The following AAK1 variants were observed in gnomAD, a reference collection of about 807,000 sequenced individuals.
The protein encoded by AAK1 is AP2 associated kinase 1, also known as AP2-associated protein kinase 1.
In AAK1, 37 loss-of-function variants were observed where a neutral mutation model predicts 116.0. That is an observed-to-expected ratio of 0.32 (90% CI 0.25 to 0.42). The LOEUF is 0.42. Ranked by LOEUF, AAK1 falls within the 10% of genes least tolerant of loss-of-function variation. AAK1 has a pLI of 1.00. For synonymous variants in AAK1, 458 were observed against 439.9 expected (o/e 1.04, Z -0.51); for missense variants, 919 against 1,170.6 (o/e 0.79, Z 3.14).
chr2:69,497,828 A>AT (rs2104939287), intron 16 of AAK1, among the ~76,000 whole-genome samples: 1 of 152,308 alleles, frequency 6.6e-6, no homozygotes, highest in East Asian at 1.9e-4. Context: ...GATGTCTTAT[A>AT]TAAACTGTAG....
chr2:69,513,939 T>G (rs149982596), intron 13 of AAK1, among the ~76,000 whole-genome samples: 1 of 152,316 alleles, frequency 6.6e-6, no homozygotes, highest in Non-Finnish European at 1.5e-5. Flanking sequence ...AATGACTGGA[T>G]ACTCAGATGC....
chr2:69,617,940 A>C (rs577376033), intron 2 of AAK1, among the ~76,000 whole-genome samples: 19 of 152,326 alleles, frequency 1.2e-4, no homozygotes, highest in Middle Eastern at 3.4e-3. Flanking sequence ...GAGGCTGCTG[A>C]GCAAAGATTC....
Position 69,532,004 on chromosome 2 carries a change from T to C in AAK1, c.656+37A>G, listed in dbSNP as rs754066111. 7 of 1,609,634 alleles carry C rather than the reference T, an allele frequency of 4.3e-6. No homozygotes were observed. In the South Asian group the frequency reaches 7.7e-5, roughly 18 times the overall value. ...GCTGAAGGTAAAGTTGCTCATCTGA[T>C]TGTGGACAAAACTCCATGAAAGGAG... On this transcript the variant is annotated intron_variant, in intron 6 of 21. Transcript: ENST00000409085.
At chr2:69,533,212 A>C (rs929829053) in intron 5 of AAK1, among the ~76,000 whole-genome samples, 1 of 152,202 alleles carries the variant, frequency 6.6e-6, no homozygotes, top group Non-Finnish European at 1.5e-5. Context: ...AAAGATAAGC[A>C]TCTTCTTATA....
intron 2 of AAK1, among the ~76,000 whole-genome samples, chr2:69,626,860 C>G (rs1400553068): frequency 2.6e-5 from 4 of 152,082 alleles, no homozygotes; most frequent in Non-Finnish European, 4.4e-5. Flanking sequence ...CCTCCTGATT[C>G]TACCGTCAAT....
At chr2:69,593,426 C>A (rs1369521986) in intron 2 of AAK1, among the ~76,000 whole-genome samples, 1 of 151,296 alleles carries the variant, frequency 6.6e-6, no homozygotes, top group Non-Finnish European at 1.5e-5. Context: ...ATTTTTACCA[C>A]AAGTAAATTT....
At chr2:69,520,773 T>A in intron 11 of AAK1, 61 bp downstream of exon 11, 10 of 1,494,038 alleles carry the variant, frequency 6.7e-6, no homozygotes, top group Non-Finnish European at 8.9e-6. Flanking sequence ...TTTCCAAGAC[T>A]TCTCTGTTGT....
At chr2:69,541,449 C>T (rs940648066) in intron 5 of AAK1, among the ~76,000 whole-genome samples, 19 of 152,096 alleles carry the variant, frequency 1.2e-4, no homozygotes, top group African/African-American at 4.6e-4. Context: ...CCAGGCTGGT[C>T]TCATACTCCT....
At position 69,467,748 on chromosome 2, in the gene AAK1, A is replaced by C; in HGVS notation, c.*8121T>G. On this transcript the variant is annotated 3_prime_UTR_variant, in exon 22 of 22. Transcript: ENST00000409085. ...TCTGCCAAAAATTATCCCCTGCTAA[A>C]GTTTCTGCATGAATTAAGCACACAG... is the stretch of plus-strand genomic sequence containing the variant. 6 of 985,464 alleles carry C rather than the reference A, an allele frequency of 6.1e-6. No individual in the cohort carries two copies. The South Asian group carries it at 2.8e-4, about 46-fold the overall frequency. 61.0% of individuals were successfully genotyped at this position (985,464 alleles called of 1,614,324 possible). A position where few individuals can be genotyped will look rare whatever the true frequency, so the allele number is the denominator to read the frequency against.
rs1674358613 is a variant in AAK1 at position 69,462,240 on chromosome 2, G to GACTA, written c.*13628_*13629insTAGT. ...TTGTGGGGTGGGGGGAGGGGGGCGGGATAGCATTAGGAGATATACCTAATG... is the reference window on the plus strand; with the variant it reads ...TTGTGGGGTGGGGGGAGGGGGGCGGGACTAATAGCATTAGGAGATATACCTAATG... On this transcript the variant is annotated 3_prime_UTR_variant, in exon 22 of 22. Coordinates refer to ENST00000409085, the MANE Select transcript of AAK1 (RefSeq NM_014911.5). 4 of 92,568 alleles carry GACTA rather than the reference G, an allele frequency of 4.3e-5. No individual in the cohort carries two copies. The Admixed American group carries it at 5.5e-4, about 13-fold the overall frequency. 5.7% of individuals were successfully genotyped at this position (92,568 alleles called of 1,614,324 possible). A position where few individuals can be genotyped will look rare whatever the true frequency, so the allele number is the denominator to read the frequency against.
chr2:69,466,219 C>T lies in AAK1; in HGVS notation c.*9650G>A. 7.8e-7 allele frequency: 1 copy of T among 1,289,810 alleles called. No homozygotes were observed. The highest frequency in any genetic ancestry group is 1.0e-6 in the Non-Finnish European group (1 of 988,874). 79.9% of individuals were successfully genotyped at this position (1,289,810 alleles called of 1,614,324 possible). ...ACTGTCTTTGCTTGCTCAGGAGAGA[C>T]TTCTGGTGGAGCGAATGGAACGGCT... On this transcript the variant is annotated 3_prime_UTR_variant, in exon 22 of 22. Coordinates refer to ENST00000409085, the MANE Select transcript of AAK1 (RefSeq NM_014911.5).
Position 69,465,668 on chromosome 2 carries a change from G to A in AAK1, c.*10201C>T. The A allele has an allele frequency of 7.7e-7, 1 of 1,290,946 alleles. No individual in the cohort carries two copies. Among genetic ancestry groups the A allele is most frequent in the Non-Finnish European group, 1.0e-6 (1 of 988,872 alleles). 80.0% of individuals were successfully genotyped at this position (1,290,946 alleles called of 1,614,324 possible). A position where few individuals can be genotyped will look rare whatever the true frequency, so the allele number is the denominator to read the frequency against. On this transcript the variant is annotated 3_prime_UTR_variant, in exon 22 of 22. Coordinates refer to ENST00000409085, the MANE Select transcript of AAK1 (RefSeq NM_014911.5). The stretch of plus-strand genomic sequence containing the variant: ...GGGGGCGGAATGGTTTGCCAGCCAT[G>A]GGGCCTGAGACAGCTTCTTTCTGGA...
chr2:69,520,946 G>C lies in AAK1; in HGVS notation c.1098C>G (p.Pro366=), dbSNP rs770636098. ...TCTGCCCAGCTTTAGGCCTCTGGCG[G>C]GGTGCAATTGAAGTCTCTGTGGTGG... is the stretch of plus-strand genomic sequence containing the variant. ...PIPTTETSIA[P]RQRPKAGQTQ... Residue 366 remains proline (P), a synonymous_variant, in exon 11 of 22, where the codon CCC becomes CCG. Coordinates refer to ENST00000409085, the MANE Select transcript of AAK1 (RefSeq NM_014911.5). 6.8e-6 allele frequency: 11 copies of C among 1,613,766 alleles called. No individual in the cohort carries two copies. Among genetic ancestry groups the C allele is most frequent in the Middle Eastern group, 1.6e-4 (1 of 6,062 alleles).
rs1674357041 is a variant in AAK1, at chr2:69,462,216, T to G, written c.*13653A>C. On this transcript the variant is annotated 3_prime_UTR_variant, in exon 22 of 22. Coordinates refer to ENST00000409085, the MANE Select transcript of AAK1 (RefSeq NM_014911.5). The stretch of plus-strand genomic sequence containing the variant: ...GGGAACATCACACTCTGGGGACTGT[T>G]GTGGGGTGGGGGGAGGGGGGCGGGA... 1.6e-5 allele frequency: 1 copy of G among 64,138 alleles called. No individual in the cohort carries two copies. Among genetic ancestry groups the G allele is most frequent in the Non-Finnish European group, 2.8e-5 (1 of 35,636 alleles). 4.0% of individuals were successfully genotyped at this position (64,138 alleles called of 1,614,324 possible).
intron 2 of AAK1, among the ~76,000 whole-genome samples, chr2:69,573,797 C>T (rs1279958291): frequency 4.0e-5 from 6 of 151,460 alleles, no homozygotes; most frequent in Non-Finnish European, 8.8e-5. Context: ...GTCAGGAGTT[C>T]GAGACCAGCC....
chr2:69,525,004 G>A (rs748381228), intron 10 of AAK1, 29 bp downstream of exon 10: 1 of 1,600,190 alleles, frequency 6.2e-7, no homozygotes, highest in South Asian at 1.1e-5. Context: ...AATCCAAGGA[G>A]GACATGTGTT....
intron 5 of AAK1, 122 bp downstream of exon 5, chr2:69,542,401 T>C: frequency 1.6e-6 from 2 of 1,241,810 alleles, no homozygotes; most frequent in East Asian, 2.4e-5. Context: ...AGGCAGAATA[T>C]AAACATAAAA....
intron 2 of AAK1, among the ~76,000 whole-genome samples, chr2:69,573,410 G>A (rs553953686): frequency 2.0e-4 from 30 of 152,230 alleles, no homozygotes; most frequent in Admixed American, 7.9e-4. Flanking sequence ...AATCCCACCT[G>A]ACCTGGAAGG....
At chr2:69,527,550 T>C (rs1356122392) in intron 8 of AAK1, among the ~76,000 whole-genome samples, 1 of 152,196 alleles carries the variant, frequency 6.6e-6, no homozygotes, top group Non-Finnish European at 1.5e-5. Flanking sequence ...ACAAAGATAC[T>C]TAAAGTTCAT....
Sources: allele counts gnomAD v4.1 joint callset (sites outside exome capture counted in the v4.1 genomes callset), GRCh38; gene constraint gnomAD v4.1.1; transcripts MANE v1.5; gene names NCBI Gene and HGNC (gene_info 2026-07-23, HGNC 2026-07-21).